Variants in OR2M4 observed in about 807,000 individuals in gnomAD.
OR2M4 encodes the protein olfactory receptor 2M4.
A neutral mutation model predicts 13.7 loss-of-function variants in OR2M4; 8 were observed. The observed-to-expected ratio is 0.58, with a 90% confidence interval of 0.34 to 1.05. The LOEUF (loss-of-function observed/expected upper bound fraction) is 1.05. OR2M4 is among the 50% of genes least tolerant of loss of function. The pLI is 0.02. For synonymous variants in OR2M4, 152 were observed against 141.3 expected, an observed-to-expected ratio of 1.08 and a Z score of -0.53; for missense variants, 374 against 381.6, an observed-to-expected ratio of 0.98 and a Z score of 0.17.
intron 1 of OR2M4, among the ~76,000 whole-genome samples, chr1:248,236,652 A>G (rs1329844383): frequency 1.3e-5 from 2 of 152,144 alleles, no homozygotes; most frequent in Non-Finnish European, 2.9e-5. Context: ...ATAAAATAAA[A>G]TAAAATAGAC....
In OR2M4 at chr1:248,241,441, A is replaced by C. The variant is rs1666618536; in HGVS notation, c.*1577A>C. 6.6e-6 allele frequency: 1 copy of C among 152,166 alleles called. No individual in the cohort carries two copies. The highest frequency in any genetic ancestry group is 1.5e-5 in the Non-Finnish European group (1 of 68,038). The allele number at this position is 152,166 out of a possible 1,614,324, so 9.4% of individuals were successfully genotyped here. A position where few individuals can be genotyped will look rare whatever the true frequency, so the allele number is the denominator to read the frequency against. ...AAGCACCAATGGATTGATTCAACTG[A>C]AATTTTTGTACTCACCACAGTAATA... On this transcript the variant is annotated 3_prime_UTR_variant, in exon 2 of 2. Transcript: ENST00000641868.
chr1:248,243,460 T>C lies in OR2M4; in HGVS notation c.*3596T>C, dbSNP rs1666636756. On this transcript the variant is annotated 3_prime_UTR_variant, in exon 2 of 2. Coordinates refer to ENST00000641868, the MANE Select transcript of OR2M4 (RefSeq NM_017504.2). ...GAGCCTTGGAGGAGGCCCCTCCAAT[T>C]ACTAGCACTTCGCCTGCATTTCTTT... The C allele has an allele frequency of 6.6e-6, 1 of 152,170 alleles. No homozygotes were observed. Among genetic ancestry groups the C allele is most frequent in the Non-Finnish European group, 1.5e-5 (1 of 68,044 alleles). 9.4% of individuals were successfully genotyped at this position (152,170 alleles called of 1,614,324 possible). A position where few individuals can be genotyped will look rare whatever the true frequency, so the allele number is the denominator to read the frequency against.
chr1:248,239,686 GTGC>G lies in OR2M4; in HGVS notation c.763_765del (p.Ala255del), dbSNP rs1406496879. ...CTGTCTGTGGTCGGACTCTACTACG[GTGC>G]TGCTATGTTCATGTACATGAGACCA... On this transcript the variant is annotated inframe_deletion, in exon 2 of 2. Coordinates refer to ENST00000641868, the MANE Select transcript of OR2M4 (RefSeq NM_017504.2). 1.9e-6 allele frequency: 3 copies of G among 1,613,966 alleles called. No individual in the cohort carries two copies. Among genetic ancestry groups the G allele is most frequent in the Non-Finnish European group, 8.5e-7 (1 of 1,180,002 alleles).
chr1:248,235,103 G>A (rs1195884677), intron 1 of OR2M4, among the ~76,000 whole-genome samples: 2 of 152,040 alleles, frequency 1.3e-5, no homozygotes, highest in African/African-American at 2.4e-5. Flanking sequence ...GAATCGTATT[G>A]CCTAGATTTT....
rs1666631442 is a variant in OR2M4 at position 248,242,926 on chromosome 1, A to T, written c.*3062A>T. The stretch of plus-strand genomic sequence containing the variant: ...AAACAATTTTGATATTGATGAATTT[A>T]AAGTTACTTTTTAATTTATATGTTA... On this transcript the variant is annotated 3_prime_UTR_variant, in exon 2 of 2. Transcript: ENST00000641868. 6.6e-6 allele frequency: 1 copy of T among 152,204 alleles called. No individual in the cohort carries two copies. Among genetic ancestry groups the T allele is most frequent in the African/African-American group, 2.4e-5 (1 of 41,448 alleles). 9.4% of individuals were successfully genotyped at this position (152,204 alleles called of 1,614,324 possible).
intron 1 of OR2M4, among the ~76,000 whole-genome samples, chr1:248,238,464 A>T (rs1052657251): frequency 2.6e-5 from 4 of 152,206 alleles, no homozygotes; most frequent in African/African-American, 9.7e-5. Context: ...GTAGGGAAAA[A>T]AAAACATGCG....
chr1:248,234,949 T>C (rs115633503), intron 1 of OR2M4, among the ~76,000 whole-genome samples: 2,678 of 152,260 alleles, frequency 0.018, 99 homozygotes, highest in African/African-American at 0.06. Context: ...TCCCATTCTA[T>C]AGGTTGCCTG....
At chr1:248,235,990 TTC>T (rs1462495840) in intron 1 of OR2M4, among the ~76,000 whole-genome samples, 3 of 152,102 alleles carry the variant, frequency 2.0e-5, no homozygotes, top group African/African-American at 7.2e-5. Flanking sequence ...TACCCTTTGT[TTC>T]TCTCTTGCCT....
rs760595616 is a variant in OR2M4, at chr1:248,239,581, A to G, written c.653A>G (p.Tyr218Cys). The change falls in exon 2 of 2, where the codon TAT (tyrosine) becomes TGT (cysteine). Residue 218 changes from tyrosine (Y) to cysteine (C), a missense_variant. Physicochemically the swap from Tyr to Cys is radical, Grantham distance 194. Transcript: ENST00000641868. The part of the protein sequence containing the change: ...IFPVSVIILS[Y>C]SHVLRAVIHM... The stretch of plus-strand genomic sequence containing the variant: ...CCAGTTTCAGTTATCATACTTTCCT[A>G]TTCCCATGTCCTTCGAGCCGTCATC... 3 of 1,613,846 alleles carry G rather than the reference A, an allele frequency of 1.9e-6. No individual in the cohort carries two copies. Among genetic ancestry groups the G allele is most frequent in the African/African-American group, 2.7e-5 (2 of 74,804 alleles).
Position 248,239,054 on chromosome 1 carries a change from T to C in OR2M4, c.126T>C (p.Asn42=). The change falls in exon 2 of 2, where the codon AAT becomes AAC. Residue 42 remains asparagine (N), a synonymous_variant. Transcript: ENST00000641868. ...TCTTCTCACTGGCATTGATGGAAAA[T>C]ATTTCCATGGTTCTCCTCATCTACA... ...LGIFSLALME[N]ISMVLLIYIE... 1 of 1,613,728 alleles carries C rather than the reference T, an allele frequency of 6.2e-7. No homozygotes were observed. Among genetic ancestry groups the C allele is most frequent in the South Asian group, 1.1e-5 (1 of 91,056 alleles).
rs1666607581 is a variant in OR2M4, at chr1:248,240,421, CTT to C, written c.*558_*559del. ...AGAAACTCGTATAAACATACACACA[CTT>C]AAGTATATATGTGTGTGATCTTTAT... On this transcript the variant is annotated 3_prime_UTR_variant, in exon 2 of 2. Transcript: ENST00000641868. 1 of 152,412 alleles carries C rather than the reference CTT, an allele frequency of 6.6e-6. No individual in the cohort carries two copies. Among genetic ancestry groups the C allele is most frequent in the South Asian group, 2.1e-4 (1 of 4,828 alleles). The allele number at this position is 152,412 out of a possible 1,614,324, so 9.4% of individuals were successfully genotyped here. A position where few individuals can be genotyped will look rare whatever the true frequency, so the allele number is the denominator to read the frequency against.
intron 1 of OR2M4, among the ~76,000 whole-genome samples, chr1:248,237,255 C>A (rs1049870130): frequency 1.3e-5 from 2 of 152,238 alleles, no homozygotes; most frequent in African/African-American, 2.4e-5. Flanking sequence ...ATACAATAAA[C>A]AATAAACATA....
intron 1 of OR2M4, among the ~76,000 whole-genome samples, chr1:248,234,770 C>G (rs1298306141): frequency 6.7e-6 from 1 of 149,656 alleles, no homozygotes; most frequent in East Asian, 1.9e-4. Context: ...TGATGTTGAG[C>G]CTTTTTTTTT....
In OR2M4 at chr1:248,241,492, T is replaced by C. The variant is rs1558262718; in HGVS notation, c.*1628T>C. On this transcript the variant is annotated 3_prime_UTR_variant, in exon 2 of 2. Coordinates refer to ENST00000641868, the MANE Select transcript of OR2M4 (RefSeq NM_017504.2). ...TTCATAATTATTATTTAGATTGACA[T>C]GCTTATTTTTAAGTATAGTATAATC... 3 of 152,214 alleles carry C rather than the reference T, an allele frequency of 2.0e-5. No homozygotes were observed. 9.4% of individuals were successfully genotyped at this position (152,214 alleles called of 1,614,324 possible). A position where few individuals can be genotyped will look rare whatever the true frequency, so the allele number is the denominator to read the frequency against.
chr1:248,233,163 G>T (rs941941393), intron 1 of OR2M4, among the ~76,000 whole-genome samples: 10 of 152,060 alleles, frequency 6.6e-5, no homozygotes, highest in African/African-American at 2.4e-4. Context: ...ATTATAATCA[G>T]CAGAAGTTCA....
Position 248,239,229 on chromosome 1 carries a change from A to G in OR2M4, c.301A>G (p.Ile101Val). 1 of 1,613,956 alleles carries G rather than the reference A, an allele frequency of 6.2e-7. No individual in the cohort carries two copies. ...SISLAGCGTQ[I>V]FFYVSLLGAE... is the part of the protein sequence containing the mutation. Reference sequence around the variant, plus strand: ...CTCTCTGGCAGGTTGTGGAACTCAGATATTCTTCTATGTGTCCCTGCTTGG... The same window carrying G: ...CTCTCTGGCAGGTTGTGGAACTCAGGTATTCTTCTATGTGTCCCTGCTTGG... The change falls in exon 2 of 2, where the codon ATA becomes GTA. Residue 101 changes from isoleucine to valine, a missense_variant. Physicochemically the swap from Ile to Val is conservative, Grantham distance 29 (BLOSUM62 3). Transcript: ENST00000641868.
Position 248,244,482 on chromosome 1 carries a change from A to G in OR2M4, c.*4618A>G, listed in dbSNP as rs765247645. On this transcript the variant is annotated 3_prime_UTR_variant, in exon 2 of 2. Coordinates refer to ENST00000641868, the MANE Select transcript of OR2M4 (RefSeq NM_017504.2). ...ATGTTCTCACTTATACATAGGAGCT[A>G]AACTTTGGGTACTCAAGGATGTAAA... 6.6e-6 allele frequency: 1 copy of G among 152,178 alleles called. No individual in the cohort carries two copies. The highest frequency in any genetic ancestry group is 1.5e-5 in the Non-Finnish European group (1 of 68,034). The allele number at this position is 152,178 out of a possible 1,614,324, so 9.4% of individuals were successfully genotyped here. A position where few individuals can be genotyped will look rare whatever the true frequency, so the allele number is the denominator to read the frequency against.
At chr1:248,231,842 A>G (rs547857654) in intron 1 of OR2M4, among the ~76,000 whole-genome samples, 1 of 152,302 alleles carries the variant, frequency 6.6e-6, no homozygotes, top group African/African-American at 2.4e-5. Flanking sequence ...GTTTCATACT[A>G]AAAATGAAGG....
At position 248,239,707 on chromosome 1, in the gene OR2M4, T is replaced by C. The variant is rs756431348; in HGVS notation, c.779T>C (p.Met260Thr). The C allele has an allele frequency of 5.0e-6, 8 of 1,613,950 alleles. No homozygotes were observed. Among genetic ancestry groups the C allele is most frequent in the Non-Finnish European group, 6.8e-6 (8 of 1,179,968 alleles). The change falls in exon 2 of 2, where the codon ATG becomes ACG. Residue 260 changes from methionine to threonine, a missense_variant. Met to Thr is a moderately conservative substitution (Grantham distance 81). Transcript: ENST00000641868. ...TACGGTGCTGCTATGTTCATGTACA[T>C]GAGACCAGCTTCTAAACATACGCCA... ...LYYGAAMFMY[M>T]RPASKHTPDQ...
Sources: allele counts gnomAD v4.1 joint callset (sites outside exome capture counted in the v4.1 genomes callset), GRCh38; gene constraint gnomAD v4.1.1; transcripts MANE v1.5; gene names NCBI Gene and HGNC (gene_info 2026-07-23, HGNC 2026-07-21).